The following SAMD4B variants were observed in gnomAD, a reference collection of about 807,000 sequenced individuals.
SAMD4B encodes the protein sterile alpha motif domain containing 4B.
Under a neutral mutation model 74.5 loss-of-function variants are expected in SAMD4B, and 5 were observed. The ratio of observed to expected loss-of-function variants is 0.07; its 90% CI spans 0.04 to 0.14. The LOEUF is 0.14. SAMD4B is among the 10% of genes least tolerant of loss of function. SAMD4B has a pLI of 1.00. For synonymous variants in SAMD4B, 373 were observed against 374.9 expected, an observed-to-expected ratio of 1.00 and a Z score of 0.06; for missense variants, 608 against 921.8, an observed-to-expected ratio of 0.66 and a Z score of 4.41.
downstream of SAMD4B, chr19:39,389,431 G>C: frequency 2.5e-6 from 4 of 1,611,998 alleles, no homozygotes; most frequent in Non-Finnish European, 3.4e-6. This position sits in a 1 kb window ranked among gnomAD's most constrained non-coding sequence, Gnocchi z 5.3. Flanking sequence ...CCTCCTGCTT[G>C]TAGGGCCCAC....
At chr19:39,360,916 A>T (rs1452397702) in intron 3 of SAMD4B, among the ~76,000 whole-genome samples, 2 of 152,108 alleles carry the variant, frequency 1.3e-5, no homozygotes. Flanking sequence ...TCTGCTCACC[A>T]GGCAGTGTGA....
intron 1 of SAMD4B, chr19:39,348,384 G>C (rs137975241): frequency 6.6e-6 from 1 of 152,214 alleles, no homozygotes; most frequent in South Asian, 2.1e-4. Context: ...GCAGAATGGG[G>C]CACAGGTGAG....
At chr19:39,386,733 G>A, downstream of SAMD4B, 2 of 1,614,118 alleles carry the variant, frequency 1.2e-6, no homozygotes, top group Non-Finnish European at 8.5e-7. This position sits in a 1 kb window ranked among gnomAD's most constrained non-coding sequence, Gnocchi z 6.1. Flanking sequence ...CCCGATGTTT[G>A]ACCACAAGCA....
chr19:39,366,615 A>G (rs141342017), intron 3 of SAMD4B, among the ~76,000 whole-genome samples: 11 of 152,348 alleles, frequency 7.2e-5, no homozygotes. Flanking sequence ...CTTAAGCAGA[A>G]TTAGGAGTGT....
At chr19:39,380,399 C>T (rs752653329) in intron 10 of SAMD4B, among the ~76,000 whole-genome samples, 188 bp from the exon 11 acceptor site, 1 of 152,218 alleles carries the variant, frequency 6.6e-6, no homozygotes, top group Non-Finnish European at 1.5e-5. Flanking sequence ...TTTGAGTGGA[C>T]AGTGAAGAAA....
At chr19:39,352,475 G>T (rs1449442018) in intron 1 of SAMD4B, 1 of 147,456 alleles carries the variant, frequency 6.8e-6, no homozygotes, top group Non-Finnish European at 1.5e-5. Context: ...CAGATATCTG[G>T]CTCCTCTTTA....
At position 39,377,773 on chromosome 19, in the gene SAMD4B, C is replaced by T; in HGVS notation, c.1393C>T (p.Pro465Ser). The change falls in exon 8 of 14, where the codon CCC (proline) becomes TCC (serine). Residue 465 changes from proline to serine, a missense_variant. Physicochemically the swap from Pro to Ser is moderately conservative, Grantham distance 74 (BLOSUM62 -1). Transcript: ENST00000610417. Reference sequence around the variant, plus strand: ...TGATGGCAGTGAGCCTGCCCCGGCTCCCGTCGCCGACGGAGACATCCCCAG... The same window carrying T: ...TGATGGCAGTGAGCCTGCCCCGGCTTCCGTCGCCGACGGAGACATCCCCAG... The part of the protein sequence containing the change: ...PTDGSEPAPA[P>S]VADGDIPSQF... 1.9e-6 allele frequency: 3 copies of T among 1,613,200 alleles called. No homozygotes were observed. The highest frequency in any genetic ancestry group is 2.5e-6 in the Non-Finnish European group (3 of 1,179,376).
intron 4 of SAMD4B, among the ~76,000 whole-genome samples, chr19:39,370,483 A>G (rs1177212991): frequency 1.3e-5 from 2 of 152,186 alleles, no homozygotes; most frequent in Admixed American, 6.5e-5. Context: ...CAGCAATAAT[A>G]TAGAGCTTAA....
At chr19:39,367,848 G>T (rs981991788) in intron 3 of SAMD4B, among the ~76,000 whole-genome samples, 1 of 151,582 alleles carries the variant, frequency 6.6e-6, no homozygotes, top group Non-Finnish European at 1.5e-5. Context: ...ACTTGTAACA[G>T]TTCCTACCCA....
At chr19:39,352,437 A>G (rs1276100474) in intron 1 of SAMD4B, 1 of 151,938 alleles carries the variant, frequency 6.6e-6, no homozygotes, top group South Asian at 2.1e-4. Flanking sequence ...CCACATTTGA[A>G]AATAGGGGGG....
At chr19:39,343,093 G>A (rs2075424722) in intron 1 of SAMD4B, among the ~76,000 whole-genome samples, 1 of 151,722 alleles carries the variant, frequency 6.6e-6, no homozygotes, top group East Asian at 2.0e-4. Flanking sequence ...TCCACAGCGT[G>A]GCTCTCATAG....
Position 39,380,993 on chromosome 19 carries a change from C to G in SAMD4B, c.1852C>G (p.Leu618Val). ...PSLGGQGRQNLWFANPGGSNS... is the reference protein window; with the variant it reads ...PSLGGQGRQNVWFANPGGSNS... ...TCTCTTCCTGGGACCTGTGTAGAAC[C>G]TGTGGTTTGCCAACCCTGGAGGCAG... is the stretch of plus-strand genomic sequence containing the variant. Residue 618 changes from leucine to valine, a missense_variant, in exon 12 of 14, where the codon CTG becomes GTG. Transcript: ENST00000610417. The G allele has an allele frequency of 6.2e-7, 1 of 1,607,000 alleles. No individual in the cohort carries two copies. Among genetic ancestry groups the G allele is most frequent in the Non-Finnish European group, 8.5e-7 (1 of 1,177,032 alleles).
intron 1 of SAMD4B, among the ~76,000 whole-genome samples, chr19:39,345,158 C>G (rs76648965): frequency 0.033 from 5,032 of 152,244 alleles, 214 homozygotes; most frequent in African/African-American, 0.095. Context: ...GAACCTGTGC[C>G]CTTTAGGAGG....
chr19:39,361,758 C>G (rs2076667933), intron 3 of SAMD4B, among the ~76,000 whole-genome samples: 1 of 150,858 alleles, frequency 6.6e-6, no homozygotes, highest in Non-Finnish European at 1.5e-5. Context: ...CCCATCTCTA[C>G]TAAAAATACA....
In SAMD4B at chr19:39,377,656, C is replaced by T. The variant is rs1185602743; in HGVS notation, c.1276C>T (p.Pro426Ser). ...ACCACCGCTGCCAGGTGCTGAGCCT[C>T]CCCTAGCCCACCCCGGCACAGACAA... ...GEPPLPGAEP[P>S]LAHPGTDKGT... is the part of the protein sequence containing the mutation. Residue 426 changes from proline (P) to serine (S), a missense_variant, in exon 8 of 14, where the codon CCC becomes TCC. Pro to Ser is a moderately conservative substitution (Grantham distance 74). Around this residue, in one of 9 missense-constraint regions of SAMD4B, gnomAD observed 99 missense variants for 112.1 expected, o/e 0.88. Coordinates refer to ENST00000610417, the MANE Select transcript of SAMD4B (RefSeq NM_001384574.2). 2.5e-6 allele frequency: 4 copies of T among 1,613,972 alleles called. No homozygotes were observed. The highest frequency in any genetic ancestry group is 1.3e-5 in the African/African-American group (1 of 74,948).
chr19:39,343,129 C>G (rs2075427127), intron 1 of SAMD4B, among the ~76,000 whole-genome samples: 1 of 151,912 alleles, frequency 6.6e-6, no homozygotes, highest in Admixed American at 6.6e-5. Flanking sequence ...CCCTCACGAG[C>G]CCTGCACACC....
At position 39,368,424 on chromosome 19, in the gene SAMD4B, A is replaced by C. The variant is rs545098891; in HGVS notation, c.197-1231A>C. On this transcript the variant is annotated intron_variant, in intron 3 of 13. Coordinates refer to ENST00000610417, the MANE Select transcript of SAMD4B (RefSeq NM_001384574.2). ...GGGCCAAAACCTTGAATCTCAGCCA[A>C]GGTGTGGAGCTTGGATAAATACATA... is the stretch of plus-strand genomic sequence containing the variant. Among the ~76,000 whole-genome samples the C allele has an allele frequency of 2.0e-5, 3 of 152,284 alleles. No individual in the cohort carries two copies. In the East Asian group the frequency reaches 5.8e-4, roughly 29 times the overall value.
the SAMD4B span, chr19:39,390,721 A>G: frequency 5.4e-6 from 7 of 1,305,390 alleles, no homozygotes; most frequent in African/African-American, 5.9e-5. Context: ...TGAGCGCTTC[A>G]TGACGTCACG....
downstream of SAMD4B, chr19:39,389,697 C>A (rs2078331295): frequency 6.2e-7 from 1 of 1,614,152 alleles, no homozygotes; most frequent in Non-Finnish European, 8.5e-7. This position sits in a 1 kb window ranked among gnomAD's most constrained non-coding sequence, Gnocchi z 5.3. Context: ...ACCCCCAGGT[C>A]TGGCTCAGTC....
Sources: allele counts gnomAD v4.1 joint callset (sites outside exome capture counted in the v4.1 genomes callset), GRCh38; gene constraint gnomAD v4.1.1; regional missense constraint gnomAD v4.1.1; non-coding constraint Gnocchi (gnomAD v3.1); transcripts MANE v1.5; gene names NCBI Gene and HGNC (gene_info 2026-07-23, HGNC 2026-07-21).